Variants in REST observed in about 807,000 individuals in gnomAD.
The protein encoded by REST is RE1-silencing transcription factor.
Under a neutral mutation model 30.4 loss-of-function variants are expected in REST, and 1 was observed. The observed-to-expected ratio is 0.03, with a 90% CI of 0.01 to 0.16. The LOEUF is 0.16. REST is among the 10% of genes least tolerant of loss of function. REST has a pLI of 1.00. For missense variants in REST, 1,259 were observed against 1,329.5 expected, an observed-to-expected ratio of 0.95 and a Z score of 0.82; for synonymous variants, 504 against 451.1, an observed-to-expected ratio of 1.12 and a Z score of -1.49.
chr4:56,931,923 A>G lies in REST; in HGVS notation c.3065A>G (p.Asn1022Ser), dbSNP rs756559394. ...HSHEGSDLSD[N>S]MSEGSDDSGL... ...CATGAAGGAAGTGACCTAAGTGACA[A>G]CATGTCAGAGGGTAGTGATGATTCT... The change falls in exon 4 of 4, where the codon AAC becomes AGC. Residue 1022 changes from asparagine (N) to serine (S), a missense_variant. Asn to Ser is a conservative substitution (Grantham distance 46, BLOSUM62 1). Around this residue, in one of 5 missense-constraint regions of REST, gnomAD observed 856 missense variants for 772.8 expected, o/e 1.11. Transcript: ENST00000309042. 1.2e-6 allele frequency: 2 copies of G among 1,614,222 alleles called. No homozygotes were observed. The highest frequency in any genetic ancestry group is 1.3e-5 in the African/African-American group (1 of 75,050).
rs760572236 is a variant in REST, at chr4:56,931,861, G to C, written c.3003G>C (p.Glu1001Asp). 6.2e-7 allele frequency: 1 copy of C among 1,614,092 alleles called. No homozygotes were observed. The highest frequency in any genetic ancestry group is 8.5e-7 in the Non-Finnish European group (1 of 1,180,044). The change falls in exon 4 of 4, where the codon GAG becomes GAC. Residue 1001 changes from glutamate (E) to aspartate (D), a missense_variant. Glu to Asp is a conservative substitution (Grantham distance 45). Around this residue, in one of 5 missense-constraint regions of REST, gnomAD observed 856 missense variants for 772.8 expected, o/e 1.11. Coordinates refer to ENST00000309042, the MANE Select transcript of REST (RefSeq NM_005612.5). Reference protein sequence around the residue: ...ASPPATMAANESQEIDEDEGI... With the variant: ...ASPPATMAANDSQEIDEDEGI... ...CTCCTGCTACAATGGCAGCAAATGAGTCTCAGGAAATTGATGAAGATGAAG... is the reference window on the plus strand; with the variant it reads ...CTCCTGCTACAATGGCAGCAAATGACTCTCAGGAAATTGATGAAGATGAAG...
Position 56,935,190 on chromosome 4 carries a change from C to T in REST, c.*3038C>T, listed in dbSNP as rs1313081681. 1 of 152,078 alleles carries T rather than the reference C, an allele frequency of 6.6e-6. No individual in the cohort carries two copies. Among genetic ancestry groups the T allele is most frequent in the Admixed American group, 6.6e-5 (1 of 15,250 alleles). The allele number at this position is 152,078 out of a possible 1,614,324, so 9.4% of individuals were successfully genotyped here. A position where few individuals can be genotyped will look rare whatever the true frequency, so the allele number is the denominator to read the frequency against. ...CCCAAGTAGACCTCATTGCATGTCA[C>T]CCTATGAATGTTGACAATGGAAGGA... On this transcript the variant is annotated 3_prime_UTR_variant, in exon 4 of 4. Transcript: ENST00000309042.
At chr4:56,917,797 A>G (rs893101585) in intron 2 of REST, among the ~76,000 whole-genome samples, 8 of 151,918 alleles carry the variant, frequency 5.3e-5, no homozygotes, top group African/African-American at 1.9e-4. Flanking sequence ...CATGCCTGTA[A>G]TCCCAGCACT....
chr4:56,909,537 C>T (rs939698701), intron 1 of REST: 1 of 152,266 alleles, frequency 6.6e-6, no homozygotes, highest in Non-Finnish European at 1.5e-5. Flanking sequence ...AGCCCCGGGA[C>T]AGCCTTCGCC....
chr4:56,929,543 C>T (rs1258652301), intron 3 of REST, among the ~76,000 whole-genome samples: 1 of 152,144 alleles, frequency 6.6e-6, no homozygotes, highest in Non-Finnish European at 1.5e-5. Context: ...ACATCCAGAG[C>T]CCAATTGAAC....
chr4:56,909,732 G>T (rs1376594233), intron 1 of REST: 2 of 152,202 alleles, frequency 1.3e-5, no homozygotes, highest in African/African-American at 4.8e-5. Flanking sequence ...GCACCTTTTA[G>T]ATTGAGAAGT....
In REST at chr4:56,929,808, A is replaced by G. The variant is rs373441849; in HGVS notation, c.983-33A>G. The G allele has an allele frequency of 8.0e-4, 1,246 of 1,558,956 alleles. 18 individuals are homozygous for G. The South Asian group carries it at 0.014, about 17-fold the overall frequency. ...TTTAATCTTGAATTTGTCTTAATCT[A>G]TGTCTTCTCTCATACTTTTGATTTG... On this transcript the variant is annotated intron_variant, in intron 3 of 3. Coordinates refer to ENST00000309042, the MANE Select transcript of REST (RefSeq NM_005612.5).
At chr4:56,925,164 CA>C (rs35149595) in intron 3 of REST, among the ~76,000 whole-genome samples, 11,539 of 82,408 alleles carry the variant, frequency 0.14, 447 homozygotes, top group African/African-American at 0.21. Flanking sequence ...GACTCAGTCT[CA>C]AAAAAAAAAA....
chr4:56,927,461 C>T (rs1188001433), intron 3 of REST, among the ~76,000 whole-genome samples: 1 of 152,204 alleles, frequency 6.6e-6, no homozygotes, highest in East Asian at 1.9e-4. Flanking sequence ...ATTTTCTAAT[C>T]ATGTAAAACT....
At chr4:56,929,065 A>ATTTTTTTTTTTTTTTTTTT (rs201103514) in intron 3 of REST, among the ~76,000 whole-genome samples, 1 of 140,140 alleles carries the variant, frequency 7.1e-6, no homozygotes. Flanking sequence ...TGCCTGGCTA[A>ATTTTTTTTTTTTTTTTTTT]TTTTTTTTTT....
In REST at chr4:56,907,976, G is replaced by A; in HGVS notation, c.-247G>A. The stretch of plus-strand genomic sequence containing the variant: ...GCGCAGCAGCGGAGCGAGCGCCGCC[G>A]AGGCCCGGGGCCCCAGACCCTGGCG... On this transcript the variant is annotated 5_prime_UTR_variant, in exon 1 of 4. Transcript: ENST00000309042. The A allele has an allele frequency of 2.9e-6, 1 of 349,668 alleles. No homozygotes were observed. 21.7% of individuals were successfully genotyped at this position (349,668 alleles called of 1,614,324 possible). A position where few individuals can be genotyped will look rare whatever the true frequency, so the allele number is the denominator to read the frequency against.
At chr4:56,914,750 C>T (rs1479058689) in intron 2 of REST, among the ~76,000 whole-genome samples, 1 of 152,026 alleles carries the variant, frequency 6.6e-6, no homozygotes, top group Non-Finnish European at 1.5e-5. Flanking sequence ...GATGTGGTTT[C>T]ACCGTGTTGG....
At position 56,930,220 on chromosome 4, in the gene REST, A is replaced by C. The variant is rs745483275; in HGVS notation, c.1362A>C (p.Lys454Asn). 32 of 1,606,388 alleles carry C rather than the reference A, an allele frequency of 2.0e-5. No homozygotes were observed. The highest frequency in any genetic ancestry group is 2.5e-5 in the Non-Finnish European group (29 of 1,178,376). Residue 454 changes from lysine to asparagine, a missense_variant, in exon 4 of 4, where the codon AAA (lysine) becomes AAC (asparagine). Lys to Asn is a moderately conservative substitution (Grantham distance 94). Around this residue, in one of 5 missense-constraint regions of REST, gnomAD observed 856 missense variants for 772.8 expected, o/e 1.11. Transcript: ENST00000309042. ...CAGAAATAGAACAAACAAAAATAAA[A>C]GGGGATGTGGCTGGAAAGAAAAATG... ...EKTEIEQTKI[K>N]GDVAGKKNEK... is the part of the protein sequence containing the mutation.
chr4:56,934,305 A>G lies in REST; in HGVS notation c.*2153A>G, dbSNP rs1490053615. 1.3e-5 allele frequency: 2 copies of G among 152,242 alleles called. No individual in the cohort carries two copies. The highest frequency in any genetic ancestry group is 2.9e-5 in the Non-Finnish European group (2 of 68,048). 9.4% of individuals were successfully genotyped at this position (152,242 alleles called of 1,614,324 possible). ...GATACATCTTAAGCACAGATTGGTT[A>G]TTAGGAATTAGTTTGGGGAAGAGGT... On this transcript the variant is annotated 3_prime_UTR_variant, in exon 4 of 4. Coordinates refer to ENST00000309042, the MANE Select transcript of REST (RefSeq NM_005612.5).
At chr4:56,911,715 C>G (rs576028919) in intron 2 of REST, 179 bp downstream of exon 2, 29 of 597,878 alleles carry the variant, frequency 4.9e-5, no homozygotes, top group African/African-American at 4.8e-4. Context: ...CATGGAGTAA[C>G]AATATCTAGG....
Position 56,931,846 on chromosome 4 carries a change from A to G in REST, c.2988A>G (p.Thr996=). ...CTGCACTGGCATCACCTCCTGCTAC[A>G]ATGGCAGCAAATGAGTCTCAGGAAA... The part of the protein sequence containing the change: ...SKTALASPPA[T]MAANESQEID... The change falls in exon 4 of 4, where the codon ACA becomes ACG. Residue 996 remains threonine (T), a synonymous_variant. Coordinates refer to ENST00000309042, the MANE Select transcript of REST (RefSeq NM_005612.5). 2 of 1,614,242 alleles carry G rather than the reference A, an allele frequency of 1.2e-6. No individual in the cohort carries two copies. Among genetic ancestry groups the G allele is most frequent in the Non-Finnish European group, 1.7e-6 (2 of 1,180,034 alleles).
rs1291152662 is a variant in REST, at chr4:56,920,449, A to G, written c.982+579A>G. 2.6e-5 allele frequency among the ~76,000 whole-genome samples: 4 copies of G among 151,618 alleles called. No homozygotes were observed. The East Asian group carries it at 5.8e-4, about 22-fold the overall frequency. ...TTCGTCCACTCCAGTGACTGAAACA[A>G]TCACCATCACCACTCATAATTAGTC... On this transcript the variant is annotated intron_variant, in intron 3 of 3. Transcript: ENST00000309042.
rs139960309 is a variant in REST, at chr4:56,923,270, T to C, written c.982+3400T>C. ...AGGATACAAGCTCACAAATAAGTAATTTTGTTGTTGTTGTTTTTGGAGTTG... is the reference window on the plus strand; with the variant it reads ...AGGATACAAGCTCACAAATAAGTAACTTTGTTGTTGTTGTTTTTGGAGTTG... On this transcript the variant is annotated intron_variant, in intron 3 of 3. Transcript: ENST00000309042. 1.7e-3 allele frequency among the ~76,000 whole-genome samples: 263 copies of C among 152,228 alleles called. 2 individuals carry two copies. Among genetic ancestry groups the C allele is most frequent in the Non-Finnish European group, 2.5e-3 (173 of 68,012 alleles).
chr4:56,925,443 C>T (rs1291051404), intron 3 of REST, among the ~76,000 whole-genome samples: 1 of 152,126 alleles, frequency 6.6e-6, no homozygotes, highest in Non-Finnish European at 1.5e-5. Flanking sequence ...ACCTCCTTAG[C>T]TCAAGCAATC....
Sources: gnomAD v4.1 joint callset for allele counts (sites outside exome capture counted in the v4.1 genomes callset) on GRCh38, gnomAD v4.1.1 for gene constraint, gnomAD v4.1.1 regional missense constraint, MANE v1.5 for transcripts, NCBI Gene and HGNC (gene_info 2026-07-23, HGNC 2026-07-21) for gene names.